Variants in SLC25A26 observed in about 807,000 individuals in gnomAD.
The protein encoded by SLC25A26 is mitochondrial S-adenosylmethionine carrier protein.
A neutral mutation model predicts 37.8 loss-of-function variants in SLC25A26; 36 were observed. The observed-to-expected ratio is 0.95, with a 90% CI of 0.73 to 1.26. SLC25A26 has a LOEUF of 1.26. Ranked by LOEUF, SLC25A26 falls within the 50% of genes most tolerant of loss-of-function variation. SLC25A26 has a pLI of 0.00. For synonymous variants in SLC25A26, 129 were observed against 122.5 expected (o/e 1.05, Z -0.35); for missense variants, 390 against 331.1 (o/e 1.18, Z -1.38).
In SLC25A26 at chr3:66,370,699, T is replaced by C; in HGVS notation, c.707+97T>C. The C allele has an allele frequency of 5.5e-6, 5 of 909,086 alleles. No individual in the cohort carries two copies. In the Admixed American group the frequency reaches 1.2e-4, roughly 22 times the overall value. 56.3% of individuals were successfully genotyped at this position (909,086 alleles called of 1,614,324 possible). ...AACACCTCTCCTTCCCTTCTGCTTATGTTCTGCTTTGAGTTTCTATTTATT... is the reference window on the plus strand; with the variant it reads ...AACACCTCTCCTTCCCTTCTGCTTACGTTCTGCTTTGAGTTTCTATTTATT... On this transcript the variant is annotated intron_variant, in intron 9 of 9. Coordinates refer to ENST00000354883, the MANE Select transcript of SLC25A26 (RefSeq NM_001379210.1).
intron 1 of SLC25A26, among the ~76,000 whole-genome samples, chr3:66,148,383 A>T (rs2070150800): frequency 6.6e-6 from 1 of 152,190 alleles, no homozygotes; most frequent in Non-Finnish European, 1.5e-5. Context: ...ACACAAAGGC[A>T]AAAGGAATGG....
At chr3:66,140,397 G>T (rs901838554) in intron 1 of SLC25A26, among the ~76,000 whole-genome samples, 3 of 152,206 alleles carry the variant, frequency 2.0e-5, no homozygotes, top group Middle Eastern at 3.4e-3. Flanking sequence ...GCTAGACTAG[G>T]AGAGGGTGGC....
intron 5 of SLC25A26, among the ~76,000 whole-genome samples, chr3:66,287,581 G>A (rs1026677393): frequency 6.6e-6 from 1 of 152,072 alleles, no homozygotes; most frequent in Non-Finnish European, 1.5e-5. Flanking sequence ...TATATAGATT[G>A]TGCCATTAGT....
At chr3:66,374,398 T>G (rs991809591) in intron 9 of SLC25A26, among the ~76,000 whole-genome samples, 4 of 152,194 alleles carry the variant, frequency 2.6e-5, no homozygotes, top group African/African-American at 9.7e-5. Flanking sequence ...ACCCACTGTG[T>G]CCACCGAAGA....
At chr3:66,156,137 G>A (rs933034897) in intron 1 of SLC25A26, among the ~76,000 whole-genome samples, 4 of 152,144 alleles carry the variant, frequency 2.6e-5, no homozygotes, top group African/African-American at 9.7e-5. Flanking sequence ...CCAACAGGGA[G>A]GATTGGAGAC....
At chr3:66,143,682 G>A (rs1001741765) in intron 1 of SLC25A26, among the ~76,000 whole-genome samples, 13 of 152,188 alleles carry the variant, frequency 8.5e-5, no homozygotes, top group African/African-American at 2.6e-4. Context: ...CCAGGAGTTC[G>A]AGACCAGTCT....
At chr3:66,213,508 G>T (rs967028852) in intron 1 of SLC25A26, among the ~76,000 whole-genome samples, 38,010 of 148,326 alleles carry the variant, frequency 0.26, 5,211 homozygotes, top group African/African-American at 0.36. Context: ...CAGCAAAATT[G>T]AGCAGAAAGT....
chr3:66,238,423 C>G (rs782692756), intron 2 of SLC25A26, among the ~76,000 whole-genome samples: 24 of 151,950 alleles, frequency 1.6e-4, no homozygotes, highest in Non-Finnish European at 3.1e-4. Context: ...TGTGTCACCC[C>G]CCAGGCTGGA....
At chr3:66,300,246 TTTTTG>T (rs1339487059) in intron 5 of SLC25A26, among the ~76,000 whole-genome samples, 9 of 142,954 alleles carry the variant, frequency 6.3e-5, no homozygotes, top group Non-Finnish European at 1.2e-4. Context: ...GGCTAGGGTT[TTTTTG>T]TTTTGTTTTT....
At chr3:66,310,114 C>G (rs1004832953) in intron 5 of SLC25A26, among the ~76,000 whole-genome samples, 6 of 152,060 alleles carry the variant, frequency 3.9e-5, no homozygotes, top group Admixed American at 3.3e-4. Context: ...AAGTCTCCCA[C>G]TATTATTGTG....
intron 7 of SLC25A26, among the ~76,000 whole-genome samples, chr3:66,366,936 C>T (rs1038248453): frequency 6.6e-6 from 1 of 152,172 alleles, no homozygotes; most frequent in Non-Finnish European, 1.5e-5. Flanking sequence ...ATCAAATAAT[C>T]AATGAAAGTG....
chr3:66,306,110 G>A (rs1238904473), intron 5 of SLC25A26, among the ~76,000 whole-genome samples: 9 of 152,134 alleles, frequency 5.9e-5, no homozygotes, highest in South Asian at 4.2e-4. Context: ...TCAGCCTCCC[G>A]AGTAGCTGGG....
intron 5 of SLC25A26, among the ~76,000 whole-genome samples, chr3:66,274,728 G>A (rs373153263): frequency 0.023 from 2,697 of 118,590 alleles, 15 homozygotes; most frequent in African/African-American, 0.031. Context: ...TTAGAATGGC[G>A]ATCATTAAAA....
At chr3:66,154,225 A>G (rs2070246978) in intron 1 of SLC25A26, among the ~76,000 whole-genome samples, 1 of 152,026 alleles carries the variant, frequency 6.6e-6, no homozygotes. Flanking sequence ...GCATTTATAC[A>G]GCACTGCAGA....
At chr3:66,208,322 G>C (rs2071207274) in intron 1 of SLC25A26, among the ~76,000 whole-genome samples, 1 of 151,962 alleles carries the variant, frequency 6.6e-6, no homozygotes, top group South Asian at 2.1e-4. Flanking sequence ...ATTTATCATT[G>C]CTCTAGTTGG....
At chr3:66,182,370 AC>A (rs1264163965) in intron 1 of SLC25A26, among the ~76,000 whole-genome samples, 3 of 151,994 alleles carry the variant, frequency 2.0e-5, no homozygotes, top group Non-Finnish European at 4.4e-5. Context: ...GCTGTCCAGA[AC>A]CTTTTTGACC....
intron 1 of SLC25A26, among the ~76,000 whole-genome samples, chr3:66,228,610 C>T (rs942065908): frequency 6.6e-6 from 1 of 152,092 alleles, no homozygotes; most frequent in African/African-American, 2.4e-5. Context: ...AATATGGTCC[C>T]CCACCTTCAG....
chr3:66,312,351 C>G (rs2075403718), intron 5 of SLC25A26, among the ~76,000 whole-genome samples: 1 of 152,150 alleles, frequency 6.6e-6, no homozygotes, highest in African/African-American at 2.4e-5. Context: ...CCCAATCACC[C>G]CAGGTCGACT....
At chr3:66,171,659 T>C (rs1399737586) in intron 1 of SLC25A26, among the ~76,000 whole-genome samples, 2 of 152,178 alleles carry the variant, frequency 1.3e-5, no homozygotes, top group African/African-American at 2.4e-5. Context: ...CTGGCTACTT[T>C]CTGTATTTTT....
Sources: allele counts gnomAD v4.1 joint callset (sites outside exome capture counted in the v4.1 genomes callset), GRCh38; gene constraint gnomAD v4.1.1; transcripts MANE v1.5; gene names NCBI Gene and HGNC (gene_info 2026-07-23, HGNC 2026-07-21).